The following ICA1 variants were observed in gnomAD, a reference collection of about 807,000 sequenced individuals.
ICA1 encodes islet cell autoantigen 1, also known as 69 kDa islet cell autoantigen.
In ICA1, 40 loss-of-function variants were observed where a neutral mutation model predicts 71.0. The ratio of observed to expected loss-of-function variants is 0.56; its 90% confidence interval spans 0.44 to 0.73. The LOEUF (loss-of-function observed/expected upper bound fraction) is 0.73. Ranked by LOEUF, ICA1 falls within the 30% of genes least tolerant of loss-of-function variation. The pLI is 0.00. For synonymous variants in ICA1, 207 were observed against 209.5 expected (o/e 0.99, Z 0.10); for missense variants, 578 against 576.5 (o/e 1.00, Z -0.03).
intron 6 of ICA1, among the ~76,000 whole-genome samples, chr7:8,210,469 C>T (rs1422764833): frequency 6.6e-6 from 1 of 152,052 alleles, no homozygotes; most frequent in Non-Finnish European, 1.5e-5. Context: ...TTTCTCACCA[C>T]GAAGTCGAAC....
At chr7:8,262,440 C>T (rs1812874226), upstream of ICA1, 1 of 152,268 alleles carries the variant, frequency 6.6e-6, no homozygotes, top group Admixed American at 6.5e-5. Flanking sequence ...TTGACCTCAC[C>T]TTGCTTGGGG....
intron 6 of ICA1, among the ~76,000 whole-genome samples, chr7:8,159,165 G>T (rs1262752306): frequency 6.6e-6 from 1 of 152,154 alleles, no homozygotes; most frequent in Non-Finnish European, 1.5e-5. Context: ...TCCCACTAAT[G>T]TCCTTTTTCT....
chr7:8,125,854 C>T (rs761979775), intron 13 of ICA1, among the ~76,000 whole-genome samples: 2 of 152,304 alleles, frequency 1.3e-5, no homozygotes, highest in Non-Finnish European at 2.9e-5. Context: ...TTTCTCTTTC[C>T]GTAGCATGAG....
At chr7:8,124,973 G>C (rs1358482031) in intron 13 of ICA1, among the ~76,000 whole-genome samples, 1 of 152,102 alleles carries the variant, frequency 6.6e-6, no homozygotes, top group Admixed American at 6.5e-5. Context: ...ATTTTTAGTA[G>C]AGACAGAGTT....
At chr7:8,163,594 T>G (rs943067861) in intron 6 of ICA1, among the ~76,000 whole-genome samples, 1 of 152,152 alleles carries the variant, frequency 6.6e-6, no homozygotes, top group Non-Finnish European at 1.5e-5. Context: ...CCCTCAAGAA[T>G]GATTGACCAA....
At chr7:8,126,364 A>C (rs1265112229) in intron 13 of ICA1, among the ~76,000 whole-genome samples, 2 of 151,966 alleles carry the variant, frequency 1.3e-5, no homozygotes, top group Non-Finnish European at 2.9e-5. Context: ...TGGCAGCCTT[A>C]CTCATTTGCA....
chr7:8,247,772 C>T (rs968530472), intron 1 of ICA1, among the ~76,000 whole-genome samples: 3 of 152,164 alleles, frequency 2.0e-5, no homozygotes, highest in African/African-American at 4.8e-5. Context: ...TTTTTCTATG[C>T]ATTTCTTCAA....
chr7:8,127,179 C>G (rs1018145876), intron 13 of ICA1, among the ~76,000 whole-genome samples: 6 of 148,670 alleles, frequency 4.0e-5, no homozygotes, highest in African/African-American at 1.5e-4. Context: ...TTAGTAGAGA[C>G]AGGCTTCCAC....
At chr7:8,242,565 C>G (rs1313987703) in intron 1 of ICA1, among the ~76,000 whole-genome samples, 1 of 152,106 alleles carries the variant, frequency 6.6e-6, no homozygotes, top group African/African-American at 2.4e-5. Context: ...TAACTAAGAT[C>G]AGAGCAGAAC....
intron 1 of ICA1, among the ~76,000 whole-genome samples, chr7:8,240,028 A>G (rs1419426525): frequency 6.6e-6 from 1 of 152,212 alleles, no homozygotes; most frequent in African/African-American, 2.4e-5. Context: ...CCTGTCTGAC[A>G]GCTCTGAAGA....
In ICA1 at chr7:8,262,146, G is replaced by A. The variant is rs1030023254; in HGVS notation, c.-132C>T. 6.6e-6 allele frequency: 1 copy of A among 152,168 alleles called. No homozygotes were observed. The highest frequency in any genetic ancestry group is 2.1e-4 in the South Asian group (1 of 4,830). 9.4% of individuals were successfully genotyped at this position (152,168 alleles called of 1,614,324 possible). A position where few individuals can be genotyped will look rare whatever the true frequency, so the allele number is the denominator to read the frequency against. ...CCGGCCGCGGTCGGAGCGTCCCTCC[G>A]GATCACTCATCCGACGTCAGCGTCA... is the stretch of plus-strand genomic sequence containing the variant. On this transcript the variant is annotated 5_prime_UTR_variant, in exon 1 of 14. Coordinates refer to ENST00000402384, the MANE Select transcript of ICA1 (RefSeq NM_001136020.3).
intron 6 of ICA1, among the ~76,000 whole-genome samples, chr7:8,170,424 T>C (rs982160387): frequency 6.6e-6 from 1 of 152,064 alleles, no homozygotes; most frequent in African/African-American, 2.4e-5. Flanking sequence ...ACAGATTTAT[T>C]GGAAACAATT....
chr7:8,166,919 AACT>A (rs2128222020), intron 6 of ICA1, among the ~76,000 whole-genome samples: 1 of 152,332 alleles, frequency 6.6e-6, no homozygotes, highest in African/African-American at 2.4e-5. Flanking sequence ...ATGAAATCAA[AACT>A]ACAGTAAGAT....
chr7:8,143,237 A>G, intron 9 of ICA1, among the ~76,000 whole-genome samples: 1 of 152,214 alleles, frequency 6.6e-6, no homozygotes, highest in Non-Finnish European at 1.5e-5. Context: ...ACCATGCACC[A>G]CATATGTTGA....
chr7:8,178,972 G>A (rs1294452163), intron 6 of ICA1, among the ~76,000 whole-genome samples: 6 of 152,078 alleles, frequency 3.9e-5, no homozygotes, highest in Admixed American at 2.0e-4. Flanking sequence ...AATGGTTGTC[G>A]CTATGGACAA....
At chr7:8,162,829 T>C (rs185841205) in intron 6 of ICA1, among the ~76,000 whole-genome samples, 1 of 152,332 alleles carries the variant, frequency 6.6e-6, no homozygotes, top group East Asian at 1.9e-4. Context: ...AGTGGTGCGA[T>C]CTTGGCTCAC....
At chr7:8,246,099 T>C (rs1275945267) in intron 1 of ICA1, among the ~76,000 whole-genome samples, 1 of 152,224 alleles carries the variant, frequency 6.6e-6, no homozygotes, top group Non-Finnish European at 1.5e-5. Flanking sequence ...ATCTCCAGCT[T>C]TTTAATGACA....
Position 8,143,973 on chromosome 7 carries a change from CT to C in ICA1, c.805-2del. ...ATTTTTTCATAGGGTCTTGTAAGCTCTTGATCACGAGCCATAGAAAAATGAA... is the reference window on the plus strand; with the variant it reads ...ATTTTTTCATAGGGTCTTGTAAGCTCTGATCACGAGCCATAGAAAAATGAA... On this transcript the variant is annotated splice_acceptor_variant, in intron 8 of 13. Coordinates refer to ENST00000402384, the MANE Select transcript of ICA1 (RefSeq NM_001136020.3). LOFTEE classifies it high-confidence loss of function. 1 of 1,487,698 alleles carries C rather than the reference CT, an allele frequency of 6.7e-7. No individual in the cohort carries two copies. The highest frequency in any genetic ancestry group is 9.3e-7 in the Non-Finnish European group (1 of 1,069,858). 92.2% of individuals were successfully genotyped at this position (1,487,698 alleles called of 1,614,324 possible). A position where few individuals can be genotyped will look rare whatever the true frequency, so the allele number is the denominator to read the frequency against.
At chr7:8,133,174 C>T (rs1470602448) in intron 12 of ICA1, among the ~76,000 whole-genome samples, 1 of 152,206 alleles carries the variant, frequency 6.6e-6, no homozygotes, top group Non-Finnish European at 1.5e-5. Flanking sequence ...TCGGCCCCCT[C>T]ACTATGTGAT....
Sources: gnomAD v4.1 joint callset for allele counts (sites outside exome capture counted in the v4.1 genomes callset) on GRCh38, gnomAD v4.1.1 for gene constraint, MANE v1.5 for transcripts, NCBI Gene and HGNC (gene_info 2026-07-23, HGNC 2026-07-21) for gene names.